Variants in AOPEP observed in about 807,000 individuals in gnomAD.
AOPEP encodes aminopeptidase O.
Under a neutral mutation model 98.1 loss-of-function variants are expected in AOPEP, and 77 were observed. The observed-to-expected ratio is 0.78, with a 90% CI of 0.65 to 0.95. The LOEUF (loss-of-function observed/expected upper bound fraction) is 0.95, where lower values mean the gene tolerates loss of function less well. AOPEP is among the 40% of genes least tolerant of loss of function. The pLI is 0.00. For missense variants in AOPEP, 1,024 were observed against 1,024.7 expected, an observed-to-expected ratio of 1.00 and a Z score of 0.01; for synonymous variants, 346 against 365.3, an observed-to-expected ratio of 0.95 and a Z score of 0.60.
intron 10 of AOPEP, among the ~76,000 whole-genome samples, chr9:94,974,459 G>A (rs1296135134): frequency 6.6e-6 from 1 of 152,202 alleles, no homozygotes; most frequent in East Asian, 1.9e-4. Context: ...GTTATAAGAT[G>A]CTTCGAACCT....
At chr9:95,003,142 ATGTG>A (rs139797365) in intron 11 of AOPEP, among the ~76,000 whole-genome samples, 62 of 149,474 alleles carry the variant, frequency 4.1e-4, no homozygotes, top group South Asian at 3.8e-3. Context: ...AGAATTAAGA[ATGTG>A]TGTGTGTGTG....
At chr9:94,952,253 G>C (rs2137874916) in intron 7 of AOPEP, among the ~76,000 whole-genome samples, 1 of 152,310 alleles carries the variant, frequency 6.6e-6, no homozygotes, top group East Asian at 1.9e-4. Flanking sequence ...GCTGTTTCAT[G>C]TACGTGCATC....
intron 11 of AOPEP, among the ~76,000 whole-genome samples, chr9:94,988,912 CT>C (rs368515133): frequency 4.4e-3 from 614 of 138,550 alleles, no homozygotes; most frequent in Middle Eastern, 7.6e-3. Context: ...CTTTTCCTTT[CT>C]TTTTTTTTTT....
At chr9:94,951,828 G>C (rs963824126) in intron 7 of AOPEP, among the ~76,000 whole-genome samples, 3 of 152,154 alleles carry the variant, frequency 2.0e-5, no homozygotes, top group Non-Finnish European at 4.4e-5. Flanking sequence ...GGCCATCACT[G>C]CTCCATCCAC....
intron 3 of AOPEP, among the ~76,000 whole-genome samples, chr9:94,791,191 A>G (rs1845633348): frequency 6.6e-6 from 1 of 152,184 alleles, no homozygotes; most frequent in African/African-American, 2.4e-5. Context: ...CCTTTGCAGC[A>G]ACATGGATGG....
At chr9:95,008,810 C>T (rs1032736023) in intron 13 of AOPEP, among the ~76,000 whole-genome samples, 3 of 152,172 alleles carry the variant, frequency 2.0e-5, no homozygotes, top group African/African-American at 7.2e-5. Context: ...CTGTCTCATG[C>T]GTCTTTTCAT....
chr9:95,097,320 G>A, the AOPEP span, among the ~76,000 whole-genome samples: 2,071 of 152,360 alleles, frequency 0.014, 45 homozygotes, highest in African/African-American at 0.047. Flanking sequence ...GCCCCTTCCT[G>A]TAGTTGGGTG....
At chr9:94,882,655 A>T (rs2047722646) in intron 5 of AOPEP, among the ~76,000 whole-genome samples, 1 of 152,248 alleles carries the variant, frequency 6.6e-6, no homozygotes, top group African/African-American at 2.4e-5. Flanking sequence ...GGGAGCCTGT[A>T]ATCCCAGCTC....
intron 13 of AOPEP, among the ~76,000 whole-genome samples, chr9:95,011,543 C>T (rs2062523584): frequency 6.6e-6 from 1 of 152,100 alleles, no homozygotes; most frequent in South Asian, 2.1e-4. Flanking sequence ...GGCATGGTAA[C>T]TCACGCCTGT....
chr9:95,141,198 G>C, the AOPEP span, among the ~76,000 whole-genome samples: 1 of 150,472 alleles, frequency 6.6e-6, no homozygotes, highest in Non-Finnish European at 1.5e-5. Flanking sequence ...TGTAGTCCCA[G>C]CCACTCGGGA....
chr9:94,976,766 A>G lies in AOPEP; in HGVS notation c.1917-2601A>G, dbSNP rs1475754939. Among the ~76,000 whole-genome samples the G allele has an allele frequency of 2.6e-5, 4 of 151,964 alleles. No individual in the cohort carries two copies. The East Asian group carries it at 5.8e-4, about 22-fold the overall frequency. ...ACTGCAACCTCTGCCTCCCAGGCTC[A>G]AGCCATTCTCCCACCTCAGCCTCCC... On this transcript the variant is annotated intron_variant, in intron 10 of 16. Coordinates refer to ENST00000375315, the MANE Select transcript of AOPEP (RefSeq NM_001193329.3).
intron 5 of AOPEP, among the ~76,000 whole-genome samples, chr9:94,852,372 A>G (rs894179665): frequency 6.6e-6 from 1 of 152,216 alleles, no homozygotes; most frequent in African/African-American, 2.4e-5. Flanking sequence ...GTTCAATGTT[A>G]GTATCACAGG....
chr9:94,739,336 A>C lies in AOPEP; in HGVS notation c.-136+12585A>C, dbSNP rs554659650. 2.0e-5 allele frequency among the ~76,000 whole-genome samples: 3 copies of C among 152,302 alleles called. No individual in the cohort carries two copies. In the East Asian group the frequency reaches 5.8e-4, roughly 29 times the overall value. On this transcript the variant is annotated intron_variant, in intron 1 of 16. Transcript: ENST00000375315. The stretch of plus-strand genomic sequence containing the variant: ...GCAATTTAAAGATTTGGTTAAAGAT[A>C]AGGGCAGTTTAAAGATTTGGAGTGT...
Position 95,026,193 on chromosome 9 carries a change from A to G in AOPEP, c.2115+20577A>G, listed in dbSNP as rs564824476. 7.9e-5 allele frequency among the ~76,000 whole-genome samples: 12 copies of G among 152,326 alleles called. No individual in the cohort carries two copies. The South Asian group carries it at 2.1e-3, about 26-fold the overall frequency. On this transcript the variant is annotated intron_variant, in intron 13 of 16. Transcript: ENST00000375315. ...CAGCACAGGTTCTTTCTGTGTATATATATGTTTTTAACAACTTTAAGGCGT... is the reference window on the plus strand; with the variant it reads ...CAGCACAGGTTCTTTCTGTGTATATGTATGTTTTTAACAACTTTAAGGCGT...
chr9:94,888,101 A>G (rs1428250131), intron 5 of AOPEP, among the ~76,000 whole-genome samples: 5 of 152,232 alleles, frequency 3.3e-5, no homozygotes, highest in African/African-American at 9.6e-5. Flanking sequence ...AACTAATTTG[A>G]TAAGTGACAA....
intron 5 of AOPEP, among the ~76,000 whole-genome samples, chr9:94,866,709 G>A (rs1272934353): frequency 6.6e-6 from 1 of 152,128 alleles, no homozygotes; most frequent in Non-Finnish European, 1.5e-5. Flanking sequence ...TTGGTGTGAA[G>A]TACATCAAAT....
At chr9:94,784,406 A>G (rs939888405) in intron 3 of AOPEP, among the ~76,000 whole-genome samples, 9 of 152,214 alleles carry the variant, frequency 5.9e-5, no homozygotes, top group Non-Finnish European at 1.3e-4. Context: ...CAGGTTTAGT[A>G]TAAAAAGTTC....
At chr9:94,924,368 A>C (rs889896626) in intron 6 of AOPEP, among the ~76,000 whole-genome samples, 193 bp downstream of exon 6, 3 of 152,184 alleles carry the variant, frequency 2.0e-5, no homozygotes, top group Admixed American at 1.3e-4. Context: ...TGGGAGAGAG[A>C]GTAGACAAGT....
the AOPEP span, among the ~76,000 whole-genome samples, chr9:95,148,532 A>G: frequency 6.6e-6 from 1 of 152,240 alleles, no homozygotes; most frequent in Non-Finnish European, 1.5e-5. Flanking sequence ...ATCTTGGAAA[A>G]TCTATGTCCA....
Sources: gnomAD v4.1 joint callset for allele counts (sites outside exome capture counted in the v4.1 genomes callset) on GRCh38, gnomAD v4.1.1 for gene constraint, MANE v1.5 for transcripts, NCBI Gene and HGNC (gene_info 2026-07-23, HGNC 2026-07-21) for gene names.